Variants in RANBP17 observed in about 807,000 individuals in gnomAD.
RANBP17 encodes the protein ran-binding protein 17.
RANBP17 carries 158 observed loss-of-function variants against 141.2 expected under a neutral mutation model. The ratio of observed to expected loss-of-function variants is 1.12; its 90% confidence interval spans 0.98 to 1.28. The LOEUF is 1.28. Ranked by LOEUF, RANBP17 falls within the 50% of genes most tolerant of loss-of-function variation. The pLI is 0.00. For synonymous variants in RANBP17, 430 were observed against 450.0 expected (o/e 0.96, Z 0.56); for missense variants, 1,438 against 1,290.7 (o/e 1.11, Z -1.75).
At chr5:171,200,180 A>G (rs1762221886) in intron 19 of RANBP17, among the ~76,000 whole-genome samples, 1 of 152,220 alleles carries the variant, frequency 6.6e-6, no homozygotes, top group Admixed American at 6.5e-5. Flanking sequence ...TTTTTAAACA[A>G]GAATTTATAT....
intron 5 of RANBP17, among the ~76,000 whole-genome samples, chr5:170,902,747 G>A (rs1380432785): frequency 6.6e-6 from 1 of 152,202 alleles, no homozygotes; most frequent in Non-Finnish European, 1.5e-5. Flanking sequence ...ATTGCTTTCT[G>A]TTTGTTAGTT....
At chr5:171,043,913 C>A (rs1782409899) in intron 14 of RANBP17, among the ~76,000 whole-genome samples, 1 of 152,110 alleles carries the variant, frequency 6.6e-6, no homozygotes, top group Admixed American at 6.6e-5. Context: ...TAGAGACAAT[C>A]TATCAAAGTA....
chr5:170,906,172 A>G (rs1771063022), intron 5 of RANBP17, among the ~76,000 whole-genome samples: 1 of 152,052 alleles, frequency 6.6e-6, no homozygotes, highest in African/African-American at 2.4e-5. Context: ...TCTAATCCTC[A>G]TACCTCATTC....
intron 21 of RANBP17, among the ~76,000 whole-genome samples, chr5:171,220,554 T>A (rs1247803163): frequency 6.6e-6 from 1 of 151,222 alleles, no homozygotes; most frequent in Non-Finnish European, 1.5e-5. Context: ...GTTCAAGTGA[T>A]TCTCCTGCCT....
intron 14 of RANBP17, among the ~76,000 whole-genome samples, chr5:171,073,403 A>G (rs767650464): frequency 3.3e-5 from 5 of 152,124 alleles, no homozygotes; most frequent in Non-Finnish European, 7.4e-5. Flanking sequence ...TAGCAGTCCT[A>G]AAACTACTCT....
At chr5:171,026,780 A>G (rs1781260639) in intron 14 of RANBP17, among the ~76,000 whole-genome samples, 1 of 152,064 alleles carries the variant, frequency 6.6e-6, no homozygotes, top group Non-Finnish European at 1.5e-5. Flanking sequence ...GAAATTATTC[A>G]CAAATTTCAA....
chr5:170,997,293 G>A (rs964171296), intron 14 of RANBP17, among the ~76,000 whole-genome samples: 1 of 152,144 alleles, frequency 6.6e-6, no homozygotes. Flanking sequence ...GTTCTTTATA[G>A]CAGTGTAAGA....
At chr5:170,954,494 C>G (rs1227563266) in intron 13 of RANBP17, among the ~76,000 whole-genome samples, 1 of 148,504 alleles carries the variant, frequency 6.7e-6, no homozygotes, top group African/African-American at 2.5e-5. Flanking sequence ...CAGTGCCTGG[C>G]AATTAGTGGT....
At chr5:171,032,570 A>T (rs1284167294) in intron 14 of RANBP17, among the ~76,000 whole-genome samples, 1 of 152,130 alleles carries the variant, frequency 6.6e-6, no homozygotes, top group Non-Finnish European at 1.5e-5. Flanking sequence ...TCCCCTGTAT[A>T]TCTGTATAGT....
intron 12 of RANBP17, among the ~76,000 whole-genome samples, chr5:170,925,906 C>T (rs758964495): frequency 2.0e-5 from 3 of 152,050 alleles, no homozygotes; most frequent in Non-Finnish European, 4.4e-5. Flanking sequence ...TGCACTGTTA[C>T]GTTGTTTGAA....
At chr5:171,271,334 T>C (rs1767107201) in intron 25 of RANBP17, 5 of 212,428 alleles carry the variant, frequency 2.4e-5, no homozygotes, top group Non-Finnish European at 4.8e-5. Context: ...TTTCTGTGTT[T>C]AGACTGAAAT....
At chr5:171,022,798 T>C (rs768251543) in intron 14 of RANBP17, among the ~76,000 whole-genome samples, 1 of 152,194 alleles carries the variant, frequency 6.6e-6, no homozygotes, top group Non-Finnish European at 1.5e-5. Context: ...CAACCGCAGC[T>C]ATGGTGCTGG....
At chr5:171,018,549 T>C (rs1780611978) in intron 14 of RANBP17, among the ~76,000 whole-genome samples, 1 of 152,206 alleles carries the variant, frequency 6.6e-6, no homozygotes, top group African/African-American at 2.4e-5. Context: ...ATGATTTGGC[T>C]CTCTGCTAGT....
At chr5:170,927,465 A>T (rs1773017333) in intron 12 of RANBP17, among the ~76,000 whole-genome samples, 1 of 152,058 alleles carries the variant, frequency 6.6e-6, no homozygotes, top group Non-Finnish European at 1.5e-5. Context: ...CATTTTTCTT[A>T]TCAGTGAGGT....
intron 14 of RANBP17, among the ~76,000 whole-genome samples, chr5:171,115,935 C>T (rs147570840): frequency 3.0e-4 from 45 of 152,258 alleles, no homozygotes; most frequent in African/African-American, 1.1e-3. Context: ...GTATCTGAGT[C>T]CTAGCCCAGC....
At chr5:171,041,796 GAGGTAA>G (rs563403783) in intron 14 of RANBP17, among the ~76,000 whole-genome samples, 88 of 152,160 alleles carry the variant, frequency 5.8e-4, no homozygotes, top group African/African-American at 1.9e-3. Context: ...GTTTGTTACA[GAGGTAA>G]ATGTGTGCGA....
At chr5:170,905,877 T>TTG (rs1254334369) in intron 5 of RANBP17, among the ~76,000 whole-genome samples, 1 of 152,146 alleles carries the variant, frequency 6.6e-6, no homozygotes, top group Non-Finnish European at 1.5e-5. Context: ...AAATGAGAGT[T>TTG]TGTGCTGTGT....
rs769226905 is a variant in RANBP17, at chr5:171,299,812, TGAA to T, written c.*960_*962del. On this transcript the variant is annotated 3_prime_UTR_variant, in exon 28 of 28. Transcript: ENST00000523189. ...TCTGACTCACCCCAAACCCAGAACA[TGAA>T]GAAGACCTTTACAGTTTGTGCTCTA... 2 of 223,752 alleles carry T rather than the reference TGAA, an allele frequency of 8.9e-6. No homozygotes were observed. The highest frequency in any genetic ancestry group is 6.5e-5 in the East Asian group (1 of 15,362). 13.9% of individuals were successfully genotyped at this position (223,752 alleles called of 1,614,324 possible).
At chr5:170,953,218 G>T (rs2127496219) in intron 12 of RANBP17, among the ~76,000 whole-genome samples, 1 of 152,182 alleles carries the variant, frequency 6.6e-6, no homozygotes, top group Non-Finnish European at 1.5e-5. Context: ...CTGAATAACA[G>T]ATCTGGTCCT....
Sources: allele counts gnomAD v4.1 joint callset (sites outside exome capture counted in the v4.1 genomes callset), GRCh38; gene constraint gnomAD v4.1.1; transcripts MANE v1.5; gene names NCBI Gene and HGNC (gene_info 2026-07-23, HGNC 2026-07-21).